The following RNF111 variants were observed in gnomAD, a reference collection of about 807,000 sequenced individuals.
RNF111 encodes the protein ring finger protein 111.
RNF111 carries 17 observed loss-of-function variants against 95.1 expected under a neutral mutation model. The ratio of observed to expected loss-of-function variants is 0.18; its 90% confidence interval spans 0.12 to 0.27. RNF111 has a LOEUF of 0.27. Among genes scored for constraint, RNF111 ranks in the 10% least tolerant of loss-of-function variants. RNF111 has a pLI of 1.00. For synonymous variants in RNF111, 440 were observed against 414.8 expected, an observed-to-expected ratio of 1.06 and a Z score of -0.74; for missense variants, 1,189 against 1,210.4, an observed-to-expected ratio of 0.98 and a Z score of 0.26.
intron 6 of RNF111, among the ~76,000 whole-genome samples, chr15:59,075,250 A>C (rs530531357): frequency 6.6e-6 from 1 of 152,370 alleles, no homozygotes; most frequent in South Asian, 2.1e-4. Flanking sequence ...CAATTTATTA[A>C]AAATAAAACA....
chr15:59,067,065 T>G lies in RNF111; in HGVS notation c.1668T>G (p.Gly556=). 1 of 1,613,960 alleles carries G rather than the reference T, an allele frequency of 6.2e-7. No homozygotes were observed. The highest frequency in any genetic ancestry group is 1.3e-5 in the African/African-American group (1 of 75,012). Residue 556 remains glycine (G), a synonymous_variant, in exon 6 of 14, where the codon GGT becomes GGG. Transcript: ENST00000348370. ...CTTGTGGAGCAAATAGTAGTTCTGG[T>G]ACCAGCTATCATGAACAGGTATGTG... ...QAPCGANSSS[G]TSYHEQQALP... is the part of the protein sequence containing the mutation.
At chr15:59,036,507 G>T (rs907269315) in intron 2 of RNF111, among the ~76,000 whole-genome samples, 8 of 152,144 alleles carry the variant, frequency 5.3e-5, no homozygotes, top group Non-Finnish European at 8.8e-5. Flanking sequence ...AAGGAACTTG[G>T]CATTTATAAA....
At chr15:59,029,918 G>C (rs2040822750) in intron 1 of RNF111, among the ~76,000 whole-genome samples, 8 of 152,096 alleles carry the variant, frequency 5.3e-5, no homozygotes, top group Admixed American at 5.2e-4. Context: ...GTTTATTCAT[G>C]TTTTGCACTA....
At chr15:59,085,603 C>T (rs1383292492) in intron 9 of RNF111, 56 bp from the exon 10 acceptor site, 10 of 1,504,472 alleles carry the variant, frequency 6.6e-6, no homozygotes, top group Non-Finnish European at 8.1e-6. Context: ...CTCCCCATGT[C>T]TGTTGATAAA....
chr15:59,067,099 G>A lies in RNF111; in HGVS notation c.1686+16G>A. 6.2e-7 allele frequency: 1 copy of A among 1,603,514 alleles called. No individual in the cohort carries two copies. The highest frequency in any genetic ancestry group is 8.5e-7 in the Non-Finnish European group (1 of 1,171,888). On this transcript the variant is annotated intron_variant, in intron 6 of 13. Coordinates refer to ENST00000348370, the MANE Select transcript of RNF111 (RefSeq NM_017610.8). ...TCATGAACAGGTATGTGGAATTTGA[G>A]TCAGTCTTTCTTTCCTGCCCCTCTT...
chr15:59,075,691 G>C (rs951785759), intron 6 of RNF111, among the ~76,000 whole-genome samples: 41 of 152,094 alleles, frequency 2.7e-4, no homozygotes, highest in African/African-American at 9.9e-4. Flanking sequence ...TGTTCATCTT[G>C]TGATAAAATC....
At chr15:59,044,198 T>C (rs536498508) in intron 2 of RNF111, among the ~76,000 whole-genome samples, 2 of 152,164 alleles carry the variant, frequency 1.3e-5, no homozygotes, top group African/African-American at 4.8e-5. Context: ...GCCCAGCTCA[T>C]TTTTGTATTA....
At chr15:58,999,637 A>G (rs1357997835) in intron 1 of RNF111, among the ~76,000 whole-genome samples, 3 of 152,162 alleles carry the variant, frequency 2.0e-5, no homozygotes, top group Non-Finnish European at 2.9e-5. Flanking sequence ...TGCCCGGCCT[A>G]TTACTGCAGT....
intron 1 of RNF111, among the ~76,000 whole-genome samples, chr15:59,027,471 C>T (rs2040673531): frequency 6.6e-6 from 1 of 151,908 alleles, no homozygotes; most frequent in Non-Finnish European, 1.5e-5. Context: ...TAGCTGGCAC[C>T]ACAATCAGTT....
At chr15:59,040,878 A>T (rs1244298568) in intron 2 of RNF111, among the ~76,000 whole-genome samples, 4 of 152,216 alleles carry the variant, frequency 2.6e-5, no homozygotes, top group African/African-American at 9.7e-5. Flanking sequence ...TTTTTAAAAA[A>T]TTTAATTTCG....
intron 10 of RNF111, among the ~76,000 whole-genome samples, chr15:59,087,577 T>C (rs1226120806): frequency 6.6e-6 from 1 of 152,124 alleles, no homozygotes; most frequent in Non-Finnish European, 1.5e-5. Flanking sequence ...TAGTTTACAA[T>C]AAAGTAGAAA....
intron 1 of RNF111, among the ~76,000 whole-genome samples, chr15:59,018,114 C>A (rs149013631): frequency 1.0e-3 from 153 of 152,250 alleles, no homozygotes; most frequent in African/African-American, 3.6e-3. Flanking sequence ...ATAATTATTA[C>A]ACTTTTAATG....
rs2078831690 is a variant in RNF111 at position 59,084,197 on chromosome 15, T to C, written c.2366T>C (p.Ile789Thr). The change falls in exon 9 of 14, where the codon ATT (isoleucine) becomes ACT (threonine). Residue 789 changes from isoleucine to threonine, a missense_variant. Ile to Thr is a moderately conservative substitution (Grantham distance 89). Around this residue, in one of 2 missense-constraint regions of RNF111, gnomAD observed 165 missense variants for 284.6 expected, o/e 0.58. Transcript: ENST00000348370. The part of the protein sequence containing the change: ...MHPNYGHGHH[I>T]HVPQTMSSHP... ...CCAAACTATGGTCATGGGCATCATA[T>C]TCATGTGCCTCAGACTATGTCCTCA... is the stretch of plus-strand genomic sequence containing the variant. The C allele has an allele frequency of 1.9e-6, 3 of 1,601,656 alleles. No homozygotes were observed. The highest frequency in any genetic ancestry group is 1.4e-5 in the African/African-American group (1 of 74,000).
chr15:59,000,244 T>G (rs2039266047), intron 1 of RNF111, among the ~76,000 whole-genome samples: 1 of 150,292 alleles, frequency 6.7e-6, no homozygotes, highest in African/African-American at 2.4e-5. Flanking sequence ...GTTCACTACA[T>G]TCTCTGCCTC....
chr15:59,033,114 G>A (rs536327292), intron 2 of RNF111, among the ~76,000 whole-genome samples: 21 of 152,280 alleles, frequency 1.4e-4, no homozygotes, highest in African/African-American at 4.8e-4. Flanking sequence ...AGGGTAATGG[G>A]CCTAGGGAGA....
chr15:59,082,413 C>G (rs534483187), intron 8 of RNF111, among the ~76,000 whole-genome samples: 5 of 152,132 alleles, frequency 3.3e-5, no homozygotes, highest in Non-Finnish European at 7.4e-5. Flanking sequence ...ATGTTACTAA[C>G]GAGAGGGAAG....
chr15:59,009,967 C>G (rs1451856380), intron 1 of RNF111, among the ~76,000 whole-genome samples: 1 of 152,038 alleles, frequency 6.6e-6, no homozygotes, highest in Non-Finnish European at 1.5e-5. Flanking sequence ...AACAAACAAA[C>G]AAAAATTAAA....
intron 2 of RNF111, among the ~76,000 whole-genome samples, chr15:59,052,033 A>T (rs1381628186): frequency 6.6e-6 from 1 of 152,182 alleles, no homozygotes; most frequent in Non-Finnish European, 1.5e-5. Flanking sequence ...GATCTTACAA[A>T]TCATGTAGAA....
chr15:59,037,052 G>C (rs1261096999), intron 2 of RNF111, among the ~76,000 whole-genome samples: 1 of 151,418 alleles, frequency 6.6e-6, no homozygotes, highest in Non-Finnish European at 1.5e-5. Context: ...GCCTAGGCTG[G>C]TCTCGAACTC....
Sources: allele counts gnomAD v4.1 joint callset (sites outside exome capture counted in the v4.1 genomes callset), GRCh38; gene constraint gnomAD v4.1.1; regional missense constraint gnomAD v4.1.1; transcripts MANE v1.5; gene names NCBI Gene and HGNC (gene_info 2026-07-23, HGNC 2026-07-21).